The following JAKMIP3 variants were observed in gnomAD, a reference collection of about 807,000 sequenced individuals.
JAKMIP3 encodes the protein janus kinase and microtubule-interacting protein 3.
JAKMIP3 carries 58 observed loss-of-function variants against 118.5 expected under a neutral mutation model. The observed-to-expected ratio is 0.49, with a 90% CI of 0.40 to 0.61. JAKMIP3 has a LOEUF of 0.61. Ranked by LOEUF, JAKMIP3 falls within the 20% of genes least tolerant of loss-of-function variation. JAKMIP3 has a pLI of 0.00. For synonymous variants in JAKMIP3, 486 were observed against 451.2 expected (o/e 1.08, Z -0.98); for missense variants, 950 against 1,109.0 (o/e 0.86, Z 2.04).
intron 1 of JAKMIP3, among the ~76,000 whole-genome samples, chr10:132,085,646 G>A (rs757636165): frequency 6.6e-5 from 10 of 151,862 alleles, no homozygotes; most frequent in South Asian, 2.1e-4. Flanking sequence ...GACTACCAGC[G>A]CATGCCACCA....
At chr10:132,058,594 C>T (rs74532403) in intron 1 of JAKMIP3, among the ~76,000 whole-genome samples, 10,648 of 152,248 alleles carry the variant, frequency 0.07, 381 homozygotes, top group African/African-American at 0.083. Context: ...ACTCATTTGC[C>T]GTGGGCAGCT....
At chr10:132,076,688 C>T (rs1022094597) in intron 1 of JAKMIP3, among the ~76,000 whole-genome samples, 4 of 150,948 alleles carry the variant, frequency 2.6e-5, no homozygotes, top group Non-Finnish European at 5.9e-5. Flanking sequence ...GAGGACTGGC[C>T]TGCGGTGGCC....
chr10:132,103,401 C>T (rs12781792), intron 1 of JAKMIP3, among the ~76,000 whole-genome samples: 4 of 126,190 alleles, frequency 3.2e-5, no homozygotes, highest in African/African-American at 1.3e-4. Context: ...GGGAGGAGCA[C>T]CTGGGGGAGA....
At chr10:132,067,391 C>T (rs998965649) in intron 1 of JAKMIP3, among the ~76,000 whole-genome samples, 1 of 152,148 alleles carries the variant, frequency 6.6e-6, no homozygotes, top group African/African-American at 2.4e-5. Flanking sequence ...ATGCACGGAG[C>T]TCCTGCTTCT....
chr10:132,150,179 G>C, intron 16 of JAKMIP3, 138 bp downstream of exon 16: 2 of 650,420 alleles, frequency 3.1e-6, no homozygotes, highest in Non-Finnish European at 5.3e-6. Context: ...ACTAGGCCCA[G>C]AGCCTGCTCA....
intron 16 of JAKMIP3, 24 bp from the exon 17 acceptor site, chr10:132,152,934 C>T (rs1232936300): frequency 6.3e-7 from 1 of 1,586,316 alleles, no homozygotes; most frequent in Non-Finnish European, 8.6e-7. Flanking sequence ...TCTGACCGCA[C>T]CTGTGTTCTG....
At chr10:132,146,150 C>T (rs1465759849) in intron 13 of JAKMIP3, among the ~76,000 whole-genome samples, 1 of 144,310 alleles carries the variant, frequency 6.9e-6, no homozygotes, top group Non-Finnish European at 1.5e-5. Flanking sequence ...CACCCCCACC[C>T]CCACCCTGGC....
chr10:132,157,174 A>G (rs911998096), intron 19 of JAKMIP3, among the ~76,000 whole-genome samples: 2 of 152,154 alleles, frequency 1.3e-5, no homozygotes, highest in African/African-American at 4.8e-5. Flanking sequence ...TCCAGATGCC[A>G]CCAACAAAGG....
chr10:132,159,284 G>A (rs1241321162), intron 19 of JAKMIP3, among the ~76,000 whole-genome samples: 1 of 139,768 alleles, frequency 7.2e-6, no homozygotes, highest in Non-Finnish European at 1.5e-5. Context: ...CTCTTCCTCT[G>A]TGATGCTGGG....
intron 1 of JAKMIP3, among the ~76,000 whole-genome samples, chr10:132,080,892 A>G (rs1036466253): frequency 1.5e-4 from 23 of 152,298 alleles, no homozygotes; most frequent in African/African-American, 5.5e-4. Flanking sequence ...ATTTTCTCTC[A>G]TCCCACAGTT....
chr10:132,154,049 T>C, intron 19 of JAKMIP3, 59 bp downstream of exon 19: 1 of 1,526,056 alleles, frequency 6.6e-7, no homozygotes, highest in South Asian at 1.1e-5. Context: ...AACGGCCACG[T>C]GGCTCAGGTG....
At chr10:132,068,160 G>A (rs979055591) in intron 1 of JAKMIP3, among the ~76,000 whole-genome samples, 1 of 148,346 alleles carries the variant, frequency 6.7e-6, no homozygotes, top group Non-Finnish European at 1.5e-5. Context: ...TGTGTGGACT[G>A]TGGGTTTCTG....
intron 2 of JAKMIP3, 116 bp from the exon 3 acceptor site, chr10:132,116,961 A>G: frequency 8.2e-7 from 1 of 1,219,434 alleles, no homozygotes; most frequent in Admixed American, 2.7e-5. Flanking sequence ...CTCCCCTTGA[A>G]TACACATTCA....
intron 10 of JAKMIP3, among the ~76,000 whole-genome samples, chr10:132,141,309 G>C (rs2053464106): frequency 6.6e-6 from 1 of 152,156 alleles, no homozygotes; most frequent in Admixed American, 6.5e-5. Context: ...AGGCTTCTGG[G>C]CTCAGTCACT....
rs151247601 is a variant in JAKMIP3, at chr10:132,150,683, T to C, written c.2007+642T>C. On this transcript the variant is annotated intron_variant, in intron 16 of 23. Coordinates refer to ENST00000684848, the MANE Select transcript of JAKMIP3 (RefSeq NM_001323087.2). ...CCATGTATCCATCCTCCACAATTCA[T>C]TTATCCGTCCTCCATAATCCATCTA... 1.2e-3 allele frequency among the ~76,000 whole-genome samples: 184 copies of C among 152,134 alleles called. 5 individuals are homozygous for C. In the South Asian group the frequency reaches 0.018, roughly 15 times the overall value.
rs779919328 is a variant in JAKMIP3 at position 132,140,516 on chromosome 10, C to T, written c.1410C>T (p.Ser470=). The T allele has an allele frequency of 5.0e-5, 80 of 1,613,616 alleles. No individual in the cohort carries two copies. Among genetic ancestry groups the T allele is most frequent in the Non-Finnish European group, 6.4e-5 (76 of 1,179,786 alleles). Residue 470 remains serine, a synonymous_variant, in exon 10 of 24, where the codon TCC becomes TCT. Coordinates refer to ENST00000684848, the MANE Select transcript of JAKMIP3 (RefSeq NM_001323087.2). ...CTTCCCTGGAATCCGACGGCTCCTC[C>T]GTCTCTTACCAAACAGACAGGACGG... ...EEASLESDGS[S]VSYQTDRTDQ... is the part of the protein sequence containing the mutation.
At chr10:132,090,596 C>A (rs555581811) in intron 1 of JAKMIP3, among the ~76,000 whole-genome samples, 1 of 152,248 alleles carries the variant, frequency 6.6e-6, no homozygotes, top group South Asian at 2.1e-4. Flanking sequence ...TTGATTCTCT[C>A]TTTTCTTCTT....
Position 132,137,079 on chromosome 10 carries a change from G to A in JAKMIP3, c.1177G>A (p.Asp393Asn). Reference protein sequence around the residue: ...SSLNDLDQSQDEREVDFLKLQ... With the variant: ...SSLNDLDQSQNEREVDFLKLQ... ...CTTGAATGACCTTGATCAAAGTCAG[G>A]ATGAGAGAGAAGTCGATTTCTTGAA... The change falls in exon 7 of 24, where the codon GAT (aspartate) becomes AAT (asparagine). Residue 393 changes from aspartate to asparagine, a missense_variant. By Grantham distance (23) the Asp-to-Asn change is conservative (BLOSUM62 1). Coordinates refer to ENST00000684848, the MANE Select transcript of JAKMIP3 (RefSeq NM_001323087.2). The A allele has an allele frequency of 6.2e-7, 1 of 1,613,960 alleles. No homozygotes were observed. Among genetic ancestry groups the A allele is most frequent in the East Asian group, 2.2e-5 (1 of 44,878 alleles).
chr10:132,064,571 C>G (rs1252412083), upstream of JAKMIP3, among the ~76,000 whole-genome samples: 1 of 152,212 alleles, frequency 6.6e-6, no homozygotes, highest in Non-Finnish European at 1.5e-5. This position sits in a 1 kb window ranked among gnomAD's most constrained non-coding sequence, Gnocchi z 4.4. Context: ...GCCGCATGGC[C>G]TCTTGGCGCT....
Sources: allele counts gnomAD v4.1 joint callset (sites outside exome capture counted in the v4.1 genomes callset), GRCh38; gene constraint gnomAD v4.1.1; non-coding constraint Gnocchi (gnomAD v3.1); transcripts MANE v1.5; gene names NCBI Gene and HGNC (gene_info 2026-07-23, HGNC 2026-07-21).